The following SETBP1 variants were observed in gnomAD, a reference collection of about 807,000 sequenced individuals.
The protein encoded by SETBP1 is SET binding protein 1.
A neutral mutation model predicts 101.0 loss-of-function variants in SETBP1; 9 were observed. The observed-to-expected ratio is 0.09, with a 90% confidence interval of 0.05 to 0.16. SETBP1 has a LOEUF of 0.16. SETBP1 is among the 10% of genes least tolerant of loss of function. The probability of loss-of-function intolerance (pLI) is 1.00; values close to 1 mark genes in which losing one functional copy is unlikely to be tolerated. For missense variants in SETBP1, 1,858 were observed against 2,033.8 expected (o/e 0.91, Z 1.66); for synonymous variants, 818 against 788.5 (o/e 1.04, Z -0.63).
chr18:44,759,966 T>C (rs375480430), intron 2 of SETBP1, among the ~76,000 whole-genome samples: 3 of 152,228 alleles, frequency 2.0e-5, no homozygotes, highest in Non-Finnish European at 4.4e-5. Context: ...AGGTGATTTG[T>C]ATGTGTGGCC....
intron 2 of SETBP1, among the ~76,000 whole-genome samples, chr18:44,866,479 C>T (rs1313407194): frequency 3.9e-5 from 6 of 152,228 alleles, no homozygotes; most frequent in Non-Finnish European, 8.8e-5. Context: ...CTCTTCTCAA[C>T]ACATTGAGAT....
chr18:44,742,597 A>G (rs2070123268), intron 2 of SETBP1, among the ~76,000 whole-genome samples: 1 of 152,234 alleles, frequency 6.6e-6, no homozygotes. Flanking sequence ...CCCTACCAGA[A>G]GATTTGGGAG....
At chr18:44,800,912 A>G (rs1242445294) in intron 2 of SETBP1, among the ~76,000 whole-genome samples, 4 of 152,202 alleles carry the variant, frequency 2.6e-5, no homozygotes, top group African/African-American at 4.8e-5. Flanking sequence ...CTGGATAAAG[A>G]AAATGTGGCA....
chr18:45,027,222 C>T (rs943709382), intron 4 of SETBP1, among the ~76,000 whole-genome samples: 2 of 152,178 alleles, frequency 1.3e-5, no homozygotes, highest in African/African-American at 4.8e-5. Flanking sequence ...GTTATCTCCT[C>T]AGTCTATTTC....
At chr18:44,711,704 A>ATT (rs11376628) in intron 2 of SETBP1, among the ~76,000 whole-genome samples, 1,714 of 125,610 alleles carry the variant, frequency 0.014, 31 homozygotes, top group South Asian at 0.019. Context: ...TTATCTTTAA[A>ATT]TTTTTTTTTT....
chr18:44,851,994 C>T (rs147875719), intron 2 of SETBP1, among the ~76,000 whole-genome samples: 89 of 152,310 alleles, frequency 5.8e-4, no homozygotes, highest in African/African-American at 1.9e-3. Flanking sequence ...CAGGTGCAGG[C>T]GGTTCTAGGA....
chr18:44,802,120 T>C (rs2144780402), intron 2 of SETBP1, among the ~76,000 whole-genome samples: 1 of 152,318 alleles, frequency 6.6e-6, no homozygotes, highest in South Asian at 2.1e-4. Flanking sequence ...GGAATCTCCT[T>C]TTCAAGGTTC....
At chr18:44,684,728 C>A (rs2068809874) in intron 1 of SETBP1, among the ~76,000 whole-genome samples, 4 of 151,928 alleles carry the variant, frequency 2.6e-5, no homozygotes, top group African/African-American at 2.4e-5. Flanking sequence ...CTCACTGCAA[C>A]CTCTGCCTCC....
chr18:44,766,591 A>G (rs943826480), intron 2 of SETBP1, among the ~76,000 whole-genome samples: 1 of 152,228 alleles, frequency 6.6e-6, no homozygotes, highest in Non-Finnish European at 1.5e-5. Context: ...CCAGTTTTGC[A>G]CAATGAAAAG....
chr18:44,788,882 C>T (rs1433294886), intron 2 of SETBP1, among the ~76,000 whole-genome samples: 2 of 146,426 alleles, frequency 1.4e-5, no homozygotes, highest in Non-Finnish European at 3.0e-5. Flanking sequence ...ACTGCAGCCT[C>T]GATCTCCTGG....
chr18:44,760,634 A>T (rs570089416), intron 2 of SETBP1, among the ~76,000 whole-genome samples: 141 of 152,352 alleles, frequency 9.3e-4, no homozygotes, highest in Non-Finnish European at 1.2e-3. Context: ...CAAACATGAC[A>T]GAAGCACAAA....
intron 2 of SETBP1, among the ~76,000 whole-genome samples, chr18:44,780,020 G>A (rs1289780650): frequency 6.6e-6 from 1 of 152,044 alleles, no homozygotes; most frequent in East Asian, 1.9e-4. Context: ...CCAACACTTT[G>A]GGACTACTTA....
chr18:44,899,583 T>G (rs934131155), intron 3 of SETBP1, among the ~76,000 whole-genome samples: 3 of 152,304 alleles, frequency 2.0e-5, no homozygotes, highest in South Asian at 4.1e-4. Context: ...ACGCTGGCAG[T>G]AATGAAGGGC....
At chr18:44,981,008 C>G (rs2072102450) in intron 4 of SETBP1, among the ~76,000 whole-genome samples, 1 of 152,164 alleles carries the variant, frequency 6.6e-6, no homozygotes. Context: ...GTCCCCAGAC[C>G]AATAGCATCT....
chr18:44,953,455 A>G lies in SETBP1; in HGVS notation c.4000+115A>G, dbSNP rs2071413831. The G allele has an allele frequency of 4.5e-6, 4 of 895,472 alleles. No individual in the cohort carries two copies. In the African/African-American group the frequency reaches 6.6e-5, roughly 15 times the overall value. 55.5% of individuals were successfully genotyped at this position (895,472 alleles called of 1,614,324 possible). A position where few individuals can be genotyped will look rare whatever the true frequency, so the allele number is the denominator to read the frequency against. On this transcript the variant is annotated intron_variant, in intron 4 of 5. Coordinates refer to ENST00000649279, the MANE Select transcript of SETBP1 (RefSeq NM_015559.3). ...CTAGTTTGCAAAGAGGTGGGAATCA[A>G]ATTAAAATGGGTCTCCTTGCACATT...
At chr18:44,892,755 A>G (rs954264845) in intron 3 of SETBP1, among the ~76,000 whole-genome samples, 8 of 152,266 alleles carry the variant, frequency 5.3e-5, no homozygotes, top group Non-Finnish European at 1.0e-4. Flanking sequence ...CATCCACACA[A>G]TAACTTCAAC....
At chr18:45,044,295 A>C (rs2073566483) in intron 5 of SETBP1, among the ~76,000 whole-genome samples, 1 of 152,222 alleles carries the variant, frequency 6.6e-6, no homozygotes, top group Non-Finnish European at 1.5e-5. Context: ...AGAGCAAACA[A>C]AGCTTAAATT....
intron 1 of SETBP1, among the ~76,000 whole-genome samples, chr18:44,689,263 C>T (rs1012681602): frequency 1.3e-5 from 2 of 152,230 alleles, no homozygotes; most frequent in African/African-American, 4.8e-5. Context: ...ATGCTTATTT[C>T]GAACATGTAC....
intron 4 of SETBP1, among the ~76,000 whole-genome samples, chr18:45,006,796 G>C (rs560677253): frequency 1.3e-5 from 2 of 152,190 alleles, no homozygotes; most frequent in East Asian, 1.9e-4. Context: ...ATCTTTTTAG[G>C]GGGACACAAT....
Sources: gnomAD v4.1 joint callset for allele counts (sites outside exome capture counted in the v4.1 genomes callset) on GRCh38, gnomAD v4.1.1 for gene constraint, MANE v1.5 for transcripts, NCBI Gene and HGNC (gene_info 2026-07-23, HGNC 2026-07-21) for gene names.